CSMD3: variants seen among roughly 807,000 people sequenced by gnomAD.
The protein encoded by CSMD3 is CUB and sushi domain-containing protein 3.
Under a neutral mutation model 435.2 loss-of-function variants are expected in CSMD3, and 177 were observed. The ratio of observed to expected loss-of-function variants is 0.41; its 90% CI spans 0.36 to 0.46. CSMD3 has a LOEUF of 0.46. Among genes scored for constraint, CSMD3 ranks in the 20% least tolerant of loss-of-function variants. The pLI, the probability that CSMD3 is intolerant of heterozygous loss-of-function variation, is 0.34. For synonymous variants in CSMD3, 1,656 were observed against 1,520.5 expected, an observed-to-expected ratio of 1.09 and a Z score of -2.07; for missense variants, 4,265 against 4,504.6, an observed-to-expected ratio of 0.95 and a Z score of 1.52.
rs201519991 is a variant in CSMD3 at position 112,506,641 on chromosome 8, G to A, written c.4895+50C>T. 191 of 1,578,664 alleles carry A rather than the reference G, an allele frequency of 1.2e-4. No individual in the cohort carries two copies. The African/African-American group carries it at 2.4e-3, about 20-fold the overall frequency. On this transcript the variant is annotated intron_variant, in intron 29 of 70. Coordinates refer to ENST00000297405, the MANE Select transcript of CSMD3 (RefSeq NM_198123.2). ...TCTAGTACAAATGCTAAAGCAAAAT[G>A]GCCTAACAATATATTTTTTTAACGT...
intron 15 of CSMD3, among the ~76,000 whole-genome samples, chr8:112,683,690 G>A: frequency 6.6e-6 from 1 of 152,016 alleles, no homozygotes; most frequent in African/African-American, 2.4e-5. Flanking sequence ...AGGTCTACAT[G>A]TGTAAAATAT....
intron 18 of CSMD3, among the ~76,000 whole-genome samples, chr8:112,654,712 A>G (rs1253235847): frequency 6.6e-6 from 1 of 152,206 alleles, no homozygotes; most frequent in African/African-American, 2.4e-5. Context: ...AGTTATGCTG[A>G]CACATTTTGC....
intron 15 of CSMD3, among the ~76,000 whole-genome samples, chr8:112,685,116 A>G (rs1011595083): frequency 1.2e-4 from 18 of 152,180 alleles, no homozygotes; most frequent in African/African-American, 3.1e-4. Context: ...TAAGATATAA[A>G]TATGTTGGCT....
intron 18 of CSMD3, among the ~76,000 whole-genome samples, chr8:112,655,827 T>C (rs543450354): frequency 6.6e-6 from 1 of 152,170 alleles, no homozygotes; most frequent in South Asian, 2.1e-4. Context: ...TGTTTATATA[T>C]ATCTTAGACT....
At chr8:113,025,539 T>A (rs2131206822) in intron 5 of CSMD3, among the ~76,000 whole-genome samples, 1 of 152,284 alleles carries the variant, frequency 6.6e-6, no homozygotes, top group South Asian at 2.1e-4. Context: ...CCAGCTATAT[T>A]GGTCCAGGAG....
At chr8:112,472,231 A>G (rs942213370) in intron 32 of CSMD3, among the ~76,000 whole-genome samples, 14 of 152,204 alleles carry the variant, frequency 9.2e-5, no homozygotes, top group Non-Finnish European at 1.8e-4. Flanking sequence ...TAATAGTTCA[A>G]TATTTGACTT....
intron 1 of CSMD3, among the ~76,000 whole-genome samples, chr8:113,323,982 GT>G (rs1164306228): frequency 6.6e-6 from 1 of 152,098 alleles, no homozygotes; most frequent in Non-Finnish European, 1.5e-5. Context: ...CTTTGACATG[GT>G]TTGGCTGTGT....
chr8:112,485,993 A>C (rs1820090530), intron 31 of CSMD3, among the ~76,000 whole-genome samples: 1 of 151,842 alleles, frequency 6.6e-6, no homozygotes, highest in Non-Finnish European at 1.5e-5. Flanking sequence ...TGTGAAACAA[A>C]GGTATTGAAA....
At chr8:112,865,695 C>A (rs1251286095) in intron 10 of CSMD3, among the ~76,000 whole-genome samples, 37 of 147,336 alleles carry the variant, frequency 2.5e-4, no homozygotes, top group Non-Finnish European at 4.6e-5. Context: ...CCCACACACA[C>A]ACACACACAC....
intron 4 of CSMD3, among the ~76,000 whole-genome samples, chr8:113,143,114 T>C (rs971647141): frequency 6.6e-6 from 1 of 150,818 alleles, no homozygotes; most frequent in Non-Finnish European, 1.5e-5. Context: ...CAAAACTCAA[T>C]GATAAAACAA....
intron 27 of CSMD3, among the ~76,000 whole-genome samples, chr8:112,536,660 C>T (rs1222376829): frequency 6.6e-6 from 1 of 151,632 alleles, no homozygotes; most frequent in Non-Finnish European, 1.5e-5. Context: ...CCAGCCATCC[C>T]ATTACTGGGT....
In CSMD3 at chr8:112,287,213, G is replaced by A. The variant is rs1163524019; in HGVS notation, c.9182C>T (p.Thr3061Ile). The change falls in exon 58 of 71, where the codon ACT becomes ATT. Residue 3061 changes from threonine to isoleucine, a missense_variant. Coordinates refer to ENST00000297405, the MANE Select transcript of CSMD3 (RefSeq NM_198123.2). ...DATGTCGDPGTPGHGSRQESN... is the reference protein window; with the variant it reads ...DATGTCGDPGIPGHGSRQESN... ...TTCCTGTCTAGAGCCATGGCCGGGA[G>A]TACCTGGATCGCCACATGTCCCAGT... 6.2e-7 allele frequency: 1 copy of A among 1,613,656 alleles called. No homozygotes were observed. The highest frequency in any genetic ancestry group is 1.1e-5 in the South Asian group (1 of 91,084).
At chr8:112,989,722 A>T (rs2085383194) in intron 6 of CSMD3, among the ~76,000 whole-genome samples, 1 of 151,986 alleles carries the variant, frequency 6.6e-6, no homozygotes, top group Non-Finnish European at 1.5e-5. Context: ...TGTGACCAAC[A>T]GAGTGCAGCA....
chr8:113,184,777 T>C (rs1329964453), intron 3 of CSMD3, among the ~76,000 whole-genome samples: 1 of 152,016 alleles, frequency 6.6e-6, no homozygotes, highest in Non-Finnish European at 1.5e-5. Flanking sequence ...CACAAACCTA[T>C]AGCTTCACCC....
At chr8:113,241,734 T>G (rs2132247672) in intron 3 of CSMD3, among the ~76,000 whole-genome samples, 1 of 152,032 alleles carries the variant, frequency 6.6e-6, no homozygotes, top group South Asian at 2.1e-4. Flanking sequence ...GTATTATGTA[T>G]TAGAAATTCC....
chr8:113,203,588 C>T (rs1460813477), intron 3 of CSMD3, among the ~76,000 whole-genome samples: 1 of 151,652 alleles, frequency 6.6e-6, no homozygotes, highest in African/African-American at 2.4e-5. Flanking sequence ...TAATTTTTAT[C>T]CAATATAATT....
chr8:112,258,413 ATAACT>A (rs1243463886), intron 61 of CSMD3, among the ~76,000 whole-genome samples: 4 of 152,162 alleles, frequency 2.6e-5, no homozygotes, highest in African/African-American at 9.7e-5. Flanking sequence ...GAATCTACAA[ATAACT>A]TAAACAAATT....
intron 5 of CSMD3, among the ~76,000 whole-genome samples, chr8:113,074,650 C>T (rs1266726957): frequency 6.6e-6 from 1 of 151,834 alleles, no homozygotes; most frequent in Non-Finnish European, 1.5e-5. Flanking sequence ...CATGTGTTTA[C>T]TACCTTTGTG....
intron 5 of CSMD3, among the ~76,000 whole-genome samples, chr8:113,028,061 G>A (rs1021327160): frequency 2.6e-5 from 4 of 152,022 alleles, no homozygotes; most frequent in Non-Finnish European, 5.9e-5. Context: ...CAAACTGAAG[G>A]TTTGTGACAA....
Sources: gnomAD v4.1 joint callset for allele counts (sites outside exome capture counted in the v4.1 genomes callset) on GRCh38, gnomAD v4.1.1 for gene constraint, MANE v1.5 for transcripts, NCBI Gene and HGNC (gene_info 2026-07-23, HGNC 2026-07-21) for gene names.